The following SPATA33 variants were observed in gnomAD, a reference collection of about 807,000 sequenced individuals.
SPATA33 encodes spermatogenesis associated 33, also known as spermatogenesis-associated protein 33.
SPATA33 carries 10 observed loss-of-function variants against 8.9 expected under a neutral mutation model. That is an observed-to-expected ratio of 1.12 (90% CI 0.69 to 1.90). The LOEUF (loss-of-function observed/expected upper bound fraction) is 1.90. SPATA33 is among the 40% of genes most tolerant of loss of function. SPATA33 has a pLI of 0.00. For missense variants in SPATA33, 241 were observed against 178.3 expected (o/e 1.35, Z -2.00); for synonymous variants, 96 against 72.8 (o/e 1.32, Z -1.63).
chr16:89,660,740 C>CA (rs1266663637), intron 2 of SPATA33: 1 of 777,386 alleles, frequency 1.3e-6, no homozygotes, highest in Non-Finnish European at 1.7e-6. Context: ...GGGAGCCGGC[C>CA]ACAGCTGAGC....
chr16:89,665,111 T>G (rs2060008981), intron 2 of SPATA33, among the ~76,000 whole-genome samples: 1 of 151,446 alleles, frequency 6.6e-6, no homozygotes, highest in African/African-American at 2.4e-5. Flanking sequence ...TTCTCCCACC[T>G]CAGCTCCCTG....
intron 2 of SPATA33, among the ~76,000 whole-genome samples, chr16:89,663,087 C>T (rs573427935): frequency 2.2e-4 from 33 of 152,074 alleles, no homozygotes; most frequent in East Asian, 1.2e-3. Flanking sequence ...CCACCACGCC[C>T]GGCCTGTAAC....
At chr16:89,664,441 T>A (rs1445261743) in intron 2 of SPATA33, among the ~76,000 whole-genome samples, 1 of 152,180 alleles carries the variant, frequency 6.6e-6, no homozygotes, top group African/African-American at 2.4e-5. Flanking sequence ...GAGGGAGGTG[T>A]GTCTCTCCTG....
At chr16:89,661,746 A>C (rs1219396656) in intron 2 of SPATA33, among the ~76,000 whole-genome samples, 1 of 152,168 alleles carries the variant, frequency 6.6e-6, no homozygotes, top group Non-Finnish European at 1.5e-5. Context: ...TTAGAAGGAA[A>C]TCTGAGCGAC....
At position 89,669,555 on chromosome 16, in the gene SPATA33, G is replaced by A. The variant is rs748607343; in HGVS notation, c.*58G>A. The A allele has an allele frequency of 2.4e-5, 37 of 1,557,770 alleles. No individual in the cohort carries two copies. The highest frequency in any genetic ancestry group is 1.2e-4 in the African/African-American group (9 of 73,502). ...TGCGATAGGCGTCTCGGGAACAGCCGCCTCACCCTGTGAGAAGCCGAGGCC... is the reference window on the plus strand; with the variant it reads ...TGCGATAGGCGTCTCGGGAACAGCCACCTCACCCTGTGAGAAGCCGAGGCC... On this transcript the variant is annotated 3_prime_UTR_variant, in exon 3 of 3. Transcript: ENST00000579310.
chr16:89,665,137 A>G (rs1159388526), intron 2 of SPATA33, among the ~76,000 whole-genome samples: 2 of 151,780 alleles, frequency 1.3e-5, no homozygotes, highest in African/African-American at 4.8e-5. Flanking sequence ...CTGGGGCCAC[A>G]GTGCACGCCA....
In SPATA33 at chr16:89,657,929, C is replaced by T; in HGVS notation, c.18C>T (p.Ser6=). ...GCTCACCCATGGGCCTTTCCAAAAG[C>T]AAAGAGAAACCCAGGAAAGGTAAAG... is the stretch of plus-strand genomic sequence containing the variant. MGLSK[S]KEKPRKGEEQ... is the part of the protein sequence containing the mutation. The change falls in exon 1 of 3, where the codon AGC becomes AGT. Residue 6 remains serine, a synonymous_variant. Transcript: ENST00000579310. The T allele has an allele frequency of 6.6e-7, 1 of 1,518,330 alleles. No homozygotes were observed. Among genetic ancestry groups the T allele is most frequent in the East Asian group, 2.6e-5 (1 of 38,576 alleles). The allele number at this position is 1,518,330 out of a possible 1,614,324, so 94.1% of individuals were successfully genotyped here.
upstream of SPATA33, chr16:89,657,805 G>C (rs142356394): frequency 3.4e-6 from 5 of 1,489,828 alleles, no homozygotes; most frequent in Non-Finnish European, 4.4e-6. Flanking sequence ...GGTCGCCATG[G>C]TGACGCACGC....
At chr16:89,664,293 A>G (rs1019820743) in intron 2 of SPATA33, among the ~76,000 whole-genome samples, 3 of 152,244 alleles carry the variant, frequency 2.0e-5, no homozygotes, top group African/African-American at 7.2e-5. Context: ...GGGCTCGGAC[A>G]CGTTGCTGTG....
intron 2 of SPATA33, among the ~76,000 whole-genome samples, chr16:89,663,174 A>G (rs548079153): frequency 6.6e-6 from 1 of 152,104 alleles, no homozygotes; most frequent in East Asian, 1.9e-4. Context: ...TCTATTGGCT[A>G]TTAAAAAATA....
chr16:89,668,345 A>G (rs958192702), intron 2 of SPATA33, among the ~76,000 whole-genome samples: 3 of 152,202 alleles, frequency 2.0e-5, no homozygotes, highest in Non-Finnish European at 2.9e-5. Flanking sequence ...ATAAACCAGC[A>G]CTGCCATTGC....
intron 2 of SPATA33, among the ~76,000 whole-genome samples, chr16:89,665,834 A>G (rs1404018072): frequency 7.2e-5 from 11 of 152,212 alleles, no homozygotes; most frequent in Non-Finnish European, 1.5e-4. Context: ...TAATCCCGGC[A>G]CTTTGGAGGC....
At chr16:89,660,861 A>G in intron 2 of SPATA33, 1 of 1,127,626 alleles carries the variant, frequency 8.9e-7, no homozygotes, top group Non-Finnish European at 1.1e-6. Context: ...CAGGAGCCAG[A>G]CCTGTGAGCA....
chr16:89,658,568 T>C, intron 2 of SPATA33, 147 bp downstream of exon 2: 1 of 1,007,762 alleles, frequency 9.9e-7, no homozygotes, highest in Non-Finnish European at 1.4e-6. Flanking sequence ...TTGGGAACTT[T>C]ATGTAGGAGG....
Position 89,669,839 on chromosome 16 carries a change from T to A in SPATA33, c.*342T>A. 2 of 312,412 alleles carry A rather than the reference T, an allele frequency of 6.4e-6. No homozygotes were observed. The highest frequency in any genetic ancestry group is 1.2e-5 in the Non-Finnish European group (2 of 166,698). The allele number at this position is 312,412 out of a possible 1,614,324, so 19.4% of individuals were successfully genotyped here. On this transcript the variant is annotated 3_prime_UTR_variant, in exon 3 of 3. Transcript: ENST00000579310. ...ACCCTGTGAGAACCTGCAGCCCCCT[T>A]CTCCAATGCTCTCGGGGAGGGTACA... is the stretch of plus-strand genomic sequence containing the variant.
intron 2 of SPATA33, among the ~76,000 whole-genome samples, chr16:89,665,707 C>T (rs1207130944): frequency 6.6e-6 from 1 of 152,194 alleles, no homozygotes. Flanking sequence ...ACGTTAACTT[C>T]TGTAAAATCA....
At chr16:89,669,261 A>T in intron 2 of SPATA33, 25 bp from the exon 3 acceptor site, 1 of 1,609,458 alleles carries the variant, frequency 6.2e-7, no homozygotes, top group South Asian at 1.1e-5. Context: ...ACATCTACTA[A>T]ATGCCTGGAT....
intron 2 of SPATA33, among the ~76,000 whole-genome samples, chr16:89,668,592 C>T (rs1018369747): frequency 4.7e-5 from 7 of 149,662 alleles, no homozygotes; most frequent in South Asian, 2.1e-4. Context: ...CGGCTGTGCC[C>T]GAGCTCGTAG....
intron 1 of SPATA33, 30 bp from the exon 2 acceptor site, chr16:89,658,218 C>T (rs765797891): frequency 1.2e-5 from 20 of 1,612,812 alleles, no homozygotes; most frequent in Non-Finnish European, 1.5e-5. Context: ...CGGTAAGTCC[C>T]GGGTCTAACG....
Sources: gnomAD v4.1 joint callset for allele counts (sites outside exome capture counted in the v4.1 genomes callset) on GRCh38, gnomAD v4.1.1 for gene constraint, MANE v1.5 for transcripts, NCBI Gene and HGNC (gene_info 2026-07-23, HGNC 2026-07-21) for gene names.